Variants in CD300LG observed in about 807,000 individuals in gnomAD.
The protein encoded by CD300LG is CMRF35-like molecule 9.
In CD300LG, 29 loss-of-function variants were observed where a neutral mutation model predicts 31.5. The ratio of observed to expected loss-of-function variants is 0.92; its 90% CI spans 0.68 to 1.25. CD300LG has a LOEUF of 1.25. CD300LG is among the 50% of genes most tolerant of loss of function. CD300LG has a pLI of 0.00. For synonymous variants in CD300LG, 175 were observed against 177.2 expected (o/e 0.99, Z 0.10); for missense variants, 396 against 417.6 (o/e 0.95, Z 0.45).
In CD300LG at chr17:43,862,107, G is replaced by T. The variant is rs114294422; in HGVS notation, c.*196G>T. On this transcript the variant is annotated 3_prime_UTR_variant, in exon 7 of 7. Coordinates refer to ENST00000317310, the MANE Select transcript of CD300LG (RefSeq NM_145273.4). ...GTTTGTCAGCCCTGGAGCCCAGAGCGGTGGCCTTGCTCTTCCGGCTGGAGA... is the reference window on the plus strand; with the variant it reads ...GTTTGTCAGCCCTGGAGCCCAGAGCTGTGGCCTTGCTCTTCCGGCTGGAGA... 3 of 455,402 alleles carry T rather than the reference G, an allele frequency of 6.6e-6. No homozygotes were observed. The South Asian group carries it at 1.1e-4, about 17-fold the overall frequency. The allele number at this position is 455,402 out of a possible 1,614,324, so 28.2% of individuals were successfully genotyped here. A position where few individuals can be genotyped will look rare whatever the true frequency, so the allele number is the denominator to read the frequency against.
At position 43,853,806 on chromosome 17, in the gene CD300LG, G is replaced by A; in HGVS notation, c.482-1G>A. Reference sequence around the variant, plus strand: ...CTGAGGCATTGCTTTTGGACTTGTAGCTTCTCCTGGGCTCTACCCGGCAGC... The same window carrying A: ...CTGAGGCATTGCTTTTGGACTTGTAACTTCTCCTGGGCTCTACCCGGCAGC... On this transcript the variant is annotated splice_acceptor_variant, in intron 3 of 6. Coordinates refer to ENST00000317310, the MANE Select transcript of CD300LG (RefSeq NM_145273.4). LOFTEE classifies it high-confidence loss of function. 1 of 1,612,408 alleles carries A rather than the reference G, an allele frequency of 6.2e-7. No homozygotes were observed. The highest frequency in any genetic ancestry group is 8.5e-7 in the Non-Finnish European group (1 of 1,178,944).
intron 6 of CD300LG, chr17:43,861,200 A>G (rs1319498529): frequency 1.0e-6 from 1 of 985,054 alleles, no homozygotes; most frequent in Non-Finnish European, 1.2e-6. Flanking sequence ...GGGGTCTCTC[A>G]CCATCCCCGA....
rs2143354708 is a variant in CD300LG, at chr17:43,853,970, C to T, written c.645C>T (p.Arg215=). Residue 215 remains arginine, a synonymous_variant, in exon 4 of 7, where the codon CGC becomes CGT. Transcript: ENST00000317310. Reference sequence around the variant, plus strand: ...CCTCTCCTCCTGCAGGGAGCTCCCGCCCCCCCATGCAGCTGGACTCCACCT... The same window carrying T: ...CCTCTCCTCCTGCAGGGAGCTCCCGTCCCCCCATGCAGCTGGACTCCACCT... ...PATSPPAGSS[R]PPMQLDSTSA... is the part of the protein sequence containing the mutation. 1 of 1,613,876 alleles carries T rather than the reference C, an allele frequency of 6.2e-7. No homozygotes were observed. Among genetic ancestry groups the T allele is most frequent in the Non-Finnish European group, 8.5e-7 (1 of 1,179,872 alleles).
At chr17:43,857,953 G>T (rs1304169674) in intron 6 of CD300LG, 3 of 1,528,404 alleles carry the variant, frequency 2.0e-6, no homozygotes, top group Non-Finnish European at 2.6e-6. Flanking sequence ...GGCTACTGCT[G>T]CAAGAAGAGA....
At position 43,847,221 on chromosome 17, in the gene CD300LG, G is replaced by A; in HGVS notation, c.5G>A (p.Arg2Gln). 1 of 1,613,880 alleles carries A rather than the reference G, an allele frequency of 6.2e-7. No individual in the cohort carries two copies. The highest frequency in any genetic ancestry group is 1.3e-5 in the African/African-American group (1 of 75,050). The stretch of plus-strand genomic sequence containing the variant: ...CCACGGTGTCCAGCGCCCAGAATGC[G>A]GCTTCTGGTCCTGCTATGGGGTTGC... M[R>Q]LLVLLWGCLL... Residue 2 changes from arginine to glutamine, a missense_variant, in exon 1 of 7, where the codon CGG becomes CAG. Arg to Gln is a conservative substitution (Grantham distance 43). Coordinates refer to ENST00000317310, the MANE Select transcript of CD300LG (RefSeq NM_145273.4).
Position 43,848,755 on chromosome 17 carries a change from A to G in CD300LG, c.241A>G (p.Ile81Val). ...GGAGACAATGAAGGGCAGGGTGTCC[A>G]TCCGTGACAGCCGCCAGGAGCTCTC... is the stretch of plus-strand genomic sequence containing the variant. ...GQETMKGRVSIRDSRQELSLI... is the reference protein window; with the variant it reads ...GQETMKGRVSVRDSRQELSLI... Residue 81 changes from isoleucine to valine, a missense_variant, in exon 2 of 7, where the codon ATC becomes GTC. Ile to Val is a conservative substitution (Grantham distance 29). Coordinates refer to ENST00000317310, the MANE Select transcript of CD300LG (RefSeq NM_145273.4). The G allele has an allele frequency of 6.2e-7, 1 of 1,614,138 alleles. No homozygotes were observed. Among genetic ancestry groups the G allele is most frequent in the Non-Finnish European group, 8.5e-7 (1 of 1,180,028 alleles).
intron 6 of CD300LG, among the ~76,000 whole-genome samples, chr17:43,859,120 A>T (rs1018884398): frequency 4.6e-5 from 7 of 152,138 alleles, no homozygotes; most frequent in African/African-American, 1.7e-4. Flanking sequence ...CTGGCTGCAG[A>T]GCCCTCTGCG....
intron 4 of CD300LG, 47 bp downstream of exon 4, chr17:43,854,091 A>T: frequency 2.1e-6 from 3 of 1,431,000 alleles, no homozygotes; most frequent in Non-Finnish European, 2.9e-6. Context: ...TCACTAAACC[A>T]TAAGGTGCCT....
intron 1 of CD300LG, 146 bp from the exon 2 acceptor site, chr17:43,848,412 G>T (rs2143279939): frequency 3.0e-6 from 2 of 666,528 alleles, no homozygotes; most frequent in East Asian, 2.7e-5. Flanking sequence ...CCCAGCGTGG[G>T]AGGTTAGTAA....
chr17:43,857,593 A>G, intron 6 of CD300LG: 5 of 1,190,996 alleles, frequency 4.2e-6, no homozygotes, highest in Non-Finnish European at 6.0e-6. Flanking sequence ...TGCACTCTCC[A>G]GGGCCCCAGA....
rs1173907938 is a variant in CD300LG at position 43,851,659 on chromosome 17, T to C, written c.380-1253T>C. On this transcript the variant is annotated intron_variant, in intron 2 of 6. Coordinates refer to ENST00000317310, the MANE Select transcript of CD300LG (RefSeq NM_145273.4). Reference sequence around the variant, plus strand: ...ACAGGAATTTTTTTTTTTTTTTTTTTTTTTTTTGAGACGGAGTCTCGCTCT... The same window carrying C: ...ACAGGAATTTTTTTTTTTTTTTTTTCTTTTTTTGAGACGGAGTCTCGCTCT... 2.7e-5 allele frequency among the ~76,000 whole-genome samples: 4 copies of C among 149,072 alleles called. No homozygotes were observed. In the East Asian group the frequency reaches 5.9e-4, roughly 22 times the overall value.
At position 43,861,795 on chromosome 17, in the gene CD300LG, C is replaced by G. The variant is rs1221518574; in HGVS notation, c.886-3C>G. On this transcript the variant is annotated splice_polypyrimidine_tract_variant and splice_region_variant and intron_variant, in intron 6 of 6. Transcript: ENST00000317310. ...TCTCCAAACCCCACTGTTGTCTTTA[C>G]AGACTGCGGAGGAAAAGGAAGCCCC... The G allele has an allele frequency of 6.3e-7, 1 of 1,592,162 alleles. No homozygotes were observed. The highest frequency in any genetic ancestry group is 1.8e-5 in the Admixed American group (1 of 56,528).
intron 2 of CD300LG, chr17:43,849,934 G>A (rs2075109005): frequency 6.6e-6 from 1 of 152,050 alleles, no homozygotes; most frequent in African/African-American, 2.4e-5. Context: ...CATTGAATCT[G>A]TTCTTCATTA....
rs369475491 is a variant in CD300LG at position 43,857,450 on chromosome 17, A to G, written c.885+294A>G. ...CATCTTCTCCAGGCGCCTTCTTTCC[A>G]TCCCCCCTTTTAGAATCACAGAACA... On this transcript the variant is annotated intron_variant, in intron 6 of 6. Coordinates refer to ENST00000317310, the MANE Select transcript of CD300LG (RefSeq NM_145273.4). The G allele has an allele frequency of 2.0e-6, 3 of 1,537,020 alleles. No individual in the cohort carries two copies. The African/African-American group carries it at 4.1e-5, about 21-fold the overall frequency.
chr17:43,851,796 C>T (rs2046366881), intron 2 of CD300LG, among the ~76,000 whole-genome samples: 1 of 152,008 alleles, frequency 6.6e-6, no homozygotes, highest in Non-Finnish European at 1.5e-5. Context: ...ACCTTGTGAG[C>T]TGCCTGCCTT....
At chr17:43,860,960 G>A (rs2046640674) in intron 6 of CD300LG, among the ~76,000 whole-genome samples, 1 of 152,158 alleles carries the variant, frequency 6.6e-6, no homozygotes, top group Non-Finnish European at 1.5e-5. Context: ...CCTTGGACAA[G>A]ACAGGAAGGA....
intron 2 of CD300LG, chr17:43,849,249 G>C: frequency 2.4e-6 from 1 of 414,706 alleles, no homozygotes; most frequent in African/African-American, 2.0e-5. Context: ...TCCTCGCCTG[G>C]TGTCAGAGAT....
chr17:43,857,388 A>C, intron 6 of CD300LG: 1 of 1,534,604 alleles, frequency 6.5e-7, no homozygotes, highest in Admixed American at 2.0e-5. Context: ...ATTTCCCGCC[A>C]GGTGCCAGGC....
chr17:43,851,133 C>CAAAAAAAA (rs777282117), intron 2 of CD300LG, among the ~76,000 whole-genome samples: 1 of 40,562 alleles, frequency 2.5e-5, no homozygotes, highest in Non-Finnish European at 5.0e-5. Context: ...GACTCAGTCT[C>CAAAAAAAA]AAAAAAAAAA....
Sources: allele counts gnomAD v4.1 joint callset (sites outside exome capture counted in the v4.1 genomes callset), GRCh38; gene constraint gnomAD v4.1.1; transcripts MANE v1.5; gene names NCBI Gene and HGNC (gene_info 2026-07-23, HGNC 2026-07-21).